MEI4: variants seen among roughly 807,000 people sequenced by gnomAD.
The protein encoded by MEI4 is meiotic double-stranded break formation protein 4, also known as meiosis-specific protein MEI4.
In MEI4, 27 loss-of-function variants were observed where a neutral mutation model predicts 31.4. The ratio of observed to expected loss-of-function variants is 0.86; its 90% CI spans 0.63 to 1.19. The LOEUF (loss-of-function observed/expected upper bound fraction) is 1.19. Ranked by LOEUF, MEI4 falls within the 50% of genes most tolerant of loss-of-function variation. The probability of loss-of-function intolerance (pLI) is 0.00; values close to 1 mark genes in which losing one functional copy is unlikely to be tolerated. For synonymous variants in MEI4, 122 were observed against 145.4 expected, an observed-to-expected ratio of 0.84 and a Z score of 1.16; for missense variants, 329 against 398.9, an observed-to-expected ratio of 0.82 and a Z score of 1.49.
At chr6:77,695,403 C>T (rs1008349738) in intron 2 of MEI4, among the ~76,000 whole-genome samples, 3 of 152,172 alleles carry the variant, frequency 2.0e-5, no homozygotes, top group Non-Finnish European at 4.4e-5. Flanking sequence ...TTAGGTCTAA[C>T]ATGTAAGTCT....
intron 3 of MEI4, among the ~76,000 whole-genome samples, chr6:77,797,041 G>A (rs1769097912): frequency 6.6e-6 from 1 of 152,110 alleles, no homozygotes; most frequent in South Asian, 2.1e-4. Context: ...ACACACATGT[G>A]TATGATTAAC....
Position 77,679,776 on chromosome 6 carries a change from C to T in MEI4, c.-14-10882C>T, listed in dbSNP as rs9448133. ...CCGCGTCCCCAAGACAGTCTCGCTC[C>T]GTCTCCCAGGCTGGAGTGCAGTGGT... On this transcript the variant is annotated intron_variant, in intron 1 of 4. Transcript: ENST00000684080. Among the ~76,000 whole-genome samples the T allele has an allele frequency of 7.0e-3, 1,060 of 151,746 alleles. 13 individuals carry two copies. The highest frequency in any genetic ancestry group is 0.024 in the African/African-American group (1,000 of 41,376).
chr6:77,772,600 G>C (rs1768344602), intron 3 of MEI4, among the ~76,000 whole-genome samples: 1 of 151,936 alleles, frequency 6.6e-6, no homozygotes, highest in Non-Finnish European at 1.5e-5. Context: ...ATTTGACAGA[G>C]CCACAGCCAG....
intron 2 of MEI4, among the ~76,000 whole-genome samples, chr6:77,733,391 C>G (rs964736710): frequency 2.0e-5 from 3 of 152,016 alleles, no homozygotes; most frequent in Admixed American, 1.3e-4. Context: ...TCCATTTCTT[C>G]TAGATTTTCT....
intron 2 of MEI4, among the ~76,000 whole-genome samples, chr6:77,713,691 T>C (rs950229082): frequency 6.6e-6 from 1 of 152,240 alleles, no homozygotes; most frequent in Non-Finnish European, 1.5e-5. Flanking sequence ...TAATGGAACT[T>C]GATTTTCATT....
intron 4 of MEI4, among the ~76,000 whole-genome samples, chr6:77,851,646 G>T (rs1197389259): frequency 9.0e-6 from 1 of 110,588 alleles, no homozygotes; most frequent in Non-Finnish European, 1.8e-5. Flanking sequence ...GGTGGGGGGA[G>T]GGGGGAGGGA....
At chr6:77,831,301 A>G (rs969986950) in intron 4 of MEI4, among the ~76,000 whole-genome samples, 1 of 151,896 alleles carries the variant, frequency 6.6e-6, no homozygotes, top group Non-Finnish European at 1.5e-5. Flanking sequence ...GACTGTTGGT[A>G]GGAATGTAAA....
chr6:77,880,076 T>C (rs1385276463), intron 4 of MEI4, among the ~76,000 whole-genome samples: 1 of 152,232 alleles, frequency 6.6e-6, no homozygotes, highest in African/African-American at 2.4e-5. Context: ...TAAGTGGAGT[T>C]CTATCAGAGA....
intron 1 of MEI4, among the ~76,000 whole-genome samples, chr6:77,690,179 G>C (rs1434700250): frequency 6.6e-6 from 1 of 151,976 alleles, no homozygotes; most frequent in Non-Finnish European, 1.5e-5. Flanking sequence ...AGGAATGCAA[G>C]ATTTAACAGA....
intron 4 of MEI4, among the ~76,000 whole-genome samples, chr6:77,883,733 T>TAC (rs1261836375): frequency 1.1e-4 from 16 of 140,838 alleles, no homozygotes; most frequent in East Asian, 2.3e-4. Flanking sequence ...TATATATATA[T>TAC]ATATATATAT....
At chr6:77,753,814 C>T (rs145267130) in intron 2 of MEI4, among the ~76,000 whole-genome samples, 42,748 of 151,918 alleles carry the variant, frequency 0.28, 6,784 homozygotes, top group South Asian at 0.39. Flanking sequence ...ATGTTTGTTG[C>T]GGCACTGTTC....
At chr6:77,733,950 C>G (rs1767096231) in intron 2 of MEI4, among the ~76,000 whole-genome samples, 1 of 152,042 alleles carries the variant, frequency 6.6e-6, no homozygotes, top group Admixed American at 6.5e-5. Context: ...GAGTGAGATT[C>G]TTATTCCTGA....
rs1212114720 is a variant in MEI4, at chr6:77,910,162, C to T, written c.901-12927C>T. On this transcript the variant is annotated intron_variant, in intron 4 of 4. Transcript: ENST00000684080. ...AAAACTGGCACAAGACAGGGATGCC[C>T]TCTCTCAGCACTCCTATTCAACATA... 2.6e-5 allele frequency among the ~76,000 whole-genome samples: 4 copies of T among 152,132 alleles called. No individual in the cohort carries two copies. In the East Asian group the frequency reaches 5.8e-4, roughly 22 times the overall value.
rs551845133 is a variant in MEI4, at chr6:77,875,705, ATAATT to A, written c.900+46647_900+46651del. Reference sequence around the variant, plus strand: ...TATCTTAATAAAGTTTTATGACAACATAATTTAACAGATTTTGAAAATCTGAAAAT... The same window carrying A: ...TATCTTAATAAAGTTTTATGACAACATAACAGATTTTGAAAATCTGAAAAT... On this transcript the variant is annotated intron_variant, in intron 4 of 4. Transcript: ENST00000684080. Among the ~76,000 whole-genome samples, 270 of 152,322 alleles carry A rather than the reference ATAATT, an allele frequency of 1.8e-3. 2 individuals carry two copies. Among genetic ancestry groups the A allele is most frequent in the Non-Finnish European group, 1.9e-3 (131 of 68,030 alleles).
intron 4 of MEI4, among the ~76,000 whole-genome samples, chr6:77,902,937 A>G (rs888569436): frequency 1.3e-5 from 2 of 152,084 alleles, no homozygotes; most frequent in African/African-American, 4.8e-5. Flanking sequence ...TGTGTCACGG[A>G]TGCATGTGCT....
intron 4 of MEI4, among the ~76,000 whole-genome samples, chr6:77,887,577 G>A (rs1211413518): frequency 2.6e-5 from 4 of 152,060 alleles, no homozygotes; most frequent in Admixed American, 6.6e-5. Flanking sequence ...GATTACAGGC[G>A]ACAGCCACCG....
At chr6:77,714,105 T>C (rs1766527356) in intron 2 of MEI4, among the ~76,000 whole-genome samples, 1 of 152,196 alleles carries the variant, frequency 6.6e-6, no homozygotes, top group Non-Finnish European at 1.5e-5. Context: ...ATGTTGTATA[T>C]GTACCACATT....
chr6:77,899,219 C>G (rs1388764725), intron 4 of MEI4, among the ~76,000 whole-genome samples: 1 of 152,020 alleles, frequency 6.6e-6, no homozygotes, highest in East Asian at 1.9e-4. Context: ...ACTTAGATCT[C>G]TTTAACCAAC....
chr6:77,898,072 T>C (rs563448717), intron 4 of MEI4, among the ~76,000 whole-genome samples: 47 of 152,166 alleles, frequency 3.1e-4, no homozygotes, highest in African/African-American at 1.1e-3. Flanking sequence ...TTGACTCTGT[T>C]CTTGAGCATT....
Sources: allele counts gnomAD v4.1 joint callset (sites outside exome capture counted in the v4.1 genomes callset), GRCh38; gene constraint gnomAD v4.1.1; transcripts MANE v1.5; gene names NCBI Gene and HGNC (gene_info 2026-07-23, HGNC 2026-07-21).